Variants in NRG1 observed in about 807,000 individuals in gnomAD.
NRG1 encodes the protein pro-neuregulin-1, membrane-bound isoform.
A neutral mutation model predicts 63.8 loss-of-function variants in NRG1; 18 were observed. The observed-to-expected ratio is 0.28, with a 90% CI of 0.19 to 0.42. NRG1 has a LOEUF of 0.42. Among genes scored for constraint, NRG1 ranks in the 10% least tolerant of loss-of-function variants. The probability of loss-of-function intolerance (pLI) is 1.00; values close to 1 mark genes in which losing one functional copy is unlikely to be tolerated. For synonymous variants in NRG1, 302 were observed against 301.3 expected (o/e 1.00, Z -0.02); for missense variants, 762 against 814.7 (o/e 0.94, Z 0.79).
intron 1 of NRG1, among the ~76,000 whole-genome samples, chr8:32,156,080 A>G (rs1838028859): frequency 1.3e-5 from 2 of 152,174 alleles, no homozygotes; most frequent in Admixed American, 1.3e-4. Context: ...TTCCAGAACA[A>G]AACTTACATG....
chr8:32,336,646 GTCACCCAGGCTGAAGTGCAGTGGCACAA>G (rs1406386352), intron 1 of NRG1, among the ~76,000 whole-genome samples: 2 of 152,128 alleles, frequency 1.3e-5, no homozygotes, highest in African/African-American at 2.4e-5. Flanking sequence ...GTCTTGCTCT[GTCACCCAGGCTGAAGTGCAGTGGCACAA>G]TCTGGGCTCA....
chr8:32,465,445 G>A (rs560527701), intron 1 of NRG1, among the ~76,000 whole-genome samples: 7 of 152,256 alleles, frequency 4.6e-5, no homozygotes, highest in Admixed American at 6.5e-5. Flanking sequence ...GAGCAAGCCC[G>A]CTTATTTAAG....
At chr8:32,581,925 G>C (rs911098547) in intron 1 of NRG1, among the ~76,000 whole-genome samples, 1 of 152,134 alleles carries the variant, frequency 6.6e-6, no homozygotes, top group Non-Finnish European at 1.5e-5. Flanking sequence ...TTGTGCTAAA[G>C]GGAAATTGTG....
rs1033223234 is a variant in NRG1, at chr8:32,169,300, C to A, written c.38-426528C>A. On this transcript the variant is annotated intron_variant, in intron 1 of 10. Transcript: ENST00000519301. ...CTTTTTCAGATACTAAATCATGGTA[C>A]AATTGGTTTTCATAAAACTAGTACT... Among the ~76,000 whole-genome samples, 8 of 152,248 alleles carry A rather than the reference C, an allele frequency of 5.3e-5. No individual in the cohort carries two copies. The East Asian group carries it at 1.5e-3, about 29-fold the overall frequency.
intron 5 of NRG1, among the ~76,000 whole-genome samples, chr8:32,700,879 T>C (rs1814682212): frequency 6.6e-6 from 1 of 152,152 alleles, no homozygotes; most frequent in Non-Finnish European, 1.5e-5. Context: ...CCTCTTCCCT[T>C]TAGACCCTTG....
intron 1 of NRG1, among the ~76,000 whole-genome samples, chr8:31,858,719 A>G (rs1828183675): frequency 6.6e-6 from 1 of 152,222 alleles, no homozygotes; most frequent in Admixed American, 6.5e-5. Flanking sequence ...TCAGCAAATC[A>G]GTGCGATGTA....
chr8:32,638,533 G>T (rs1851751118), intron 5 of NRG1, among the ~76,000 whole-genome samples: 1 of 152,004 alleles, frequency 6.6e-6, no homozygotes, highest in Admixed American at 6.6e-5. Context: ...TCCTTCTGTT[G>T]CCTAGGCTGG....
chr8:32,650,655 C>CA lies in NRG1; in HGVS notation c.502+33796dup, dbSNP rs59103241. 5.5e-3 allele frequency among the ~76,000 whole-genome samples: 319 copies of CA among 57,820 alleles called. 19 individuals carry two copies. The highest frequency in any genetic ancestry group is 6.3e-3 in the African/African-American group (87 of 13,776). 37.9% of individuals were successfully genotyped at this position (57,820 alleles called of 152,430 possible). On this transcript the variant is annotated intron_variant, in intron 5 of 11. Transcript: ENST00000356819. ...GTTGTAACCACTAATTAATGGAAAG[C>CA]AAAAAAAAAAAAAAAAAAAAAAAAA... is the stretch of plus-strand genomic sequence containing the variant.
At chr8:32,124,048 TC>T (rs1216455884) in intron 1 of NRG1, among the ~76,000 whole-genome samples, 1 of 151,532 alleles carries the variant, frequency 6.6e-6, no homozygotes, top group African/African-American at 2.4e-5. Flanking sequence ...TCGTTTTCTC[TC>T]TTTTCCCTTT....
intron 1 of NRG1, among the ~76,000 whole-genome samples, chr8:32,319,045 A>G (rs905097841): frequency 1.3e-5 from 2 of 152,118 alleles, no homozygotes; most frequent in African/African-American, 4.8e-5. Context: ...GTTTGACGTG[A>G]AGGTGAAAAG....
At chr8:31,750,474 A>G (rs1427614931) in intron 1 of NRG1, among the ~76,000 whole-genome samples, 1 of 151,956 alleles carries the variant, frequency 6.6e-6, no homozygotes, top group East Asian at 1.9e-4. Flanking sequence ...CAAGGTGGTG[A>G]TCTGTAAAAG....
intron 1 of NRG1, among the ~76,000 whole-genome samples, chr8:31,841,865 G>C (rs1425359264): frequency 6.6e-6 from 1 of 152,134 alleles, no homozygotes; most frequent in Non-Finnish European, 1.5e-5. Context: ...ACATCAGGCT[G>C]CAGAGTTTTA....
rs1210474810 is a variant in NRG1 at position 31,725,644 on chromosome 8, G to GA, written c.37+86217dup. On this transcript the variant is annotated intron_variant, in intron 1 of 10. Coordinates refer to the NRG1 transcript ENST00000519301. Reference sequence around the variant, plus strand: ...TCTCTTTATAATAAAGAAAGCAACTGAAAATGGAAAACTCACTGAGCTTAA... The same window carrying GA: ...TCTCTTTATAATAAAGAAAGCAACTGAAAAATGGAAAACTCACTGAGCTTAA... Among the ~76,000 whole-genome samples, 5 of 152,242 alleles carry GA rather than the reference G, an allele frequency of 3.3e-5. No homozygotes were observed. The East Asian group carries it at 9.7e-4, about 29-fold the overall frequency.
chr8:32,640,834 G>A (rs950014808), intron 5 of NRG1, among the ~76,000 whole-genome samples: 1 of 151,830 alleles, frequency 6.6e-6, no homozygotes, highest in Non-Finnish European at 1.5e-5. Context: ...GGTGGCTCAC[G>A]ACTGTAATAC....
At chr8:32,440,282 G>A (rs1267380289) in intron 1 of NRG1, among the ~76,000 whole-genome samples, 5 of 152,036 alleles carry the variant, frequency 3.3e-5, no homozygotes, top group Non-Finnish European at 5.9e-5. Flanking sequence ...GTTTGGTTGT[G>A]GACACAGAGT....
At chr8:32,503,883 A>G (rs762717259) in intron 1 of NRG1, among the ~76,000 whole-genome samples, 1 of 152,052 alleles carries the variant, frequency 6.6e-6, no homozygotes, top group Non-Finnish European at 1.5e-5. Flanking sequence ...TTGGGGTTTT[A>G]TACGCTGGCA....
intron 1 of NRG1, among the ~76,000 whole-genome samples, chr8:32,217,568 A>G (rs1338647217): frequency 6.6e-6 from 1 of 152,170 alleles, no homozygotes; most frequent in Non-Finnish European, 1.5e-5. Context: ...TTGAGTTAAA[A>G]TACTCTACAT....
At chr8:32,166,679 G>A (rs1242646707) in intron 1 of NRG1, among the ~76,000 whole-genome samples, 3 of 152,168 alleles carry the variant, frequency 2.0e-5, no homozygotes, top group Admixed American at 6.6e-5. Flanking sequence ...GTCCAATTGA[G>A]CTGCTGTTGC....
In NRG1 at chr8:32,262,386, C is replaced by CA. The variant is rs557725916; in HGVS notation, c.38-333436dup. On this transcript the variant is annotated intron_variant, in intron 1 of 10. Coordinates refer to the NRG1 transcript ENST00000519301. The stretch of plus-strand genomic sequence containing the variant: ...CATTTGCAGAATCAGGAGACCCCCC[C>CA]AAAAAATGCTGGAGGTGTGAAAGCA... Among the ~76,000 whole-genome samples the CA allele has an allele frequency of 8.5e-5, 13 of 152,154 alleles. No individual in the cohort carries two copies. The East Asian group carries it at 1.9e-3, about 23-fold the overall frequency.
Sources: gnomAD v4.1 joint callset for allele counts (sites outside exome capture counted in the v4.1 genomes callset) on GRCh38, gnomAD v4.1.1 for gene constraint, MANE v1.5 for transcripts, NCBI Gene and HGNC (gene_info 2026-07-23, HGNC 2026-07-21) for gene names.